Variants in TRABD2B observed in about 807,000 individuals in gnomAD.
The protein encoded by TRABD2B is metalloprotease TIKI2.
TRABD2B carries 14 observed loss-of-function variants against 40.1 expected under a neutral mutation model. The observed-to-expected ratio is 0.35, with a 90% CI of 0.23 to 0.55. The LOEUF (loss-of-function observed/expected upper bound fraction) is 0.55, where lower values mean the gene tolerates loss of function less well. TRABD2B is among the 20% of genes least tolerant of loss of function. The probability of loss-of-function intolerance (pLI) is 0.90; values close to 1 mark genes in which losing one functional copy is unlikely to be tolerated. For synonymous variants in TRABD2B, 263 were observed against 277.0 expected (o/e 0.95, Z 0.50); for missense variants, 541 against 648.6 (o/e 0.83, Z 1.80).
At chr1:47,824,573 C>G (rs1388899320) in intron 2 of TRABD2B, among the ~76,000 whole-genome samples, 1 of 152,230 alleles carries the variant, frequency 6.6e-6, no homozygotes, top group Non-Finnish European at 1.5e-5. Context: ...CCATGTCTGC[C>G]TGACTTCAAA....
At chr1:47,957,028 G>A (rs181622278) in intron 2 of TRABD2B, among the ~76,000 whole-genome samples, 205 of 152,272 alleles carry the variant, frequency 1.3e-3, no homozygotes, top group African/African-American at 4.4e-3. Context: ...AGGATCAGGC[G>A]GCAACATTTG....
chr1:47,987,422 T>C (rs1187283604), intron 2 of TRABD2B, among the ~76,000 whole-genome samples: 4 of 152,094 alleles, frequency 2.6e-5, no homozygotes, highest in African/African-American at 9.7e-5. Flanking sequence ...GCCTCAGAGT[T>C]TGGATTTATG....
chr1:47,789,671 C>G (rs1203335540), intron 4 of TRABD2B, among the ~76,000 whole-genome samples: 1 of 152,160 alleles, frequency 6.6e-6, no homozygotes, highest in Non-Finnish European at 1.5e-5. Context: ...TGATTAGAAG[C>G]CATCAGCTGA....
At chr1:47,949,409 T>TC (rs1211124691) in intron 2 of TRABD2B, among the ~76,000 whole-genome samples, 3 of 138,828 alleles carry the variant, frequency 2.2e-5, no homozygotes, top group Non-Finnish European at 4.7e-5. Context: ...TTCTTTTTTT[T>TC]TTTTTTTTTT....
chr1:47,976,690 CT>C (rs1645760444), intron 2 of TRABD2B, among the ~76,000 whole-genome samples: 1 of 152,136 alleles, frequency 6.6e-6, no homozygotes, highest in Non-Finnish European at 1.5e-5. Context: ...GGGAAAACAT[CT>C]TTGAGCACCT....
chr1:47,776,111 C>A (rs1412339985), intron 5 of TRABD2B, among the ~76,000 whole-genome samples: 1 of 152,040 alleles, frequency 6.6e-6, no homozygotes, highest in Non-Finnish European at 1.5e-5. Flanking sequence ...CGGCAAAGCA[C>A]CGAGAACAGT....
chr1:47,967,610 C>T (rs561291787), intron 2 of TRABD2B, among the ~76,000 whole-genome samples: 1 of 152,264 alleles, frequency 6.6e-6, no homozygotes, highest in Non-Finnish European at 1.5e-5. Flanking sequence ...AGGATGCTGG[C>T]TCCAGTAAGA....
chr1:47,994,682 A>C lies in TRABD2B; in HGVS notation c.103-85T>G. Reference sequence around the variant, plus strand: ...TAGCCCAGAGGCACGTTGCAGAGGGAGGTGGGGATGGGAGGCAGAGACCAT... The same window carrying C: ...TAGCCCAGAGGCACGTTGCAGAGGGCGGTGGGGATGGGAGGCAGAGACCAT... On this transcript the variant is annotated intron_variant, in intron 1 of 6. Transcript: ENST00000606738. The surrounding 1 kb of genome is among the most constrained non-coding windows in gnomAD (Gnocchi z 6.7). 1 of 1,263,442 alleles carries C rather than the reference A, an allele frequency of 7.9e-7. No individual in the cohort carries two copies. The highest frequency in any genetic ancestry group is 1.1e-6 in the Non-Finnish European group (1 of 926,440). The allele number at this position is 1,263,442 out of a possible 1,614,324, so 78.3% of individuals were successfully genotyped here.
rs183697664 is a variant in TRABD2B at position 47,968,810 on chromosome 1, T to C, written c.666+25224A>G. On this transcript the variant is annotated intron_variant, in intron 2 of 6. Coordinates refer to ENST00000606738, the MANE Select transcript of TRABD2B (RefSeq NM_001194986.2). ...CTTGTTATGTTTATTATTTGCTATC[T>C]ATCTGTCCTCACTAGAATGGAAGCT... 1.1e-3 allele frequency among the ~76,000 whole-genome samples: 165 copies of C among 152,350 alleles called. 2 individuals are homozygous for C. The highest frequency in any genetic ancestry group is 3.6e-3 in the African/African-American group (150 of 41,586).
At chr1:47,924,137 G>A (rs566743637) in intron 2 of TRABD2B, among the ~76,000 whole-genome samples, 25 of 152,132 alleles carry the variant, frequency 1.6e-4, no homozygotes, top group Admixed American at 1.3e-3. Context: ...ACTCTGCCAC[G>A]GAATACGTGG....
intron 2 of TRABD2B, among the ~76,000 whole-genome samples, chr1:47,808,867 T>C (rs577980894): frequency 6.6e-6 from 1 of 152,276 alleles, no homozygotes; most frequent in East Asian, 1.9e-4. Flanking sequence ...GGGCCAGTCT[T>C]TGAGGCCCAG....
At chr1:47,908,336 G>A (rs906034871) in intron 2 of TRABD2B, among the ~76,000 whole-genome samples, 3 of 152,094 alleles carry the variant, frequency 2.0e-5, no homozygotes, top group Admixed American at 6.5e-5. Flanking sequence ...TGCCTTTTAC[G>A]ATGATTACAT....
intron 2 of TRABD2B, among the ~76,000 whole-genome samples, chr1:47,858,101 G>A (rs1051172912): frequency 5.9e-5 from 9 of 151,844 alleles, no homozygotes; most frequent in South Asian, 2.1e-4. Context: ...TTTATCATAC[G>A]TACGCATTGG....
At chr1:47,821,265 G>A (rs375747491) in intron 2 of TRABD2B, among the ~76,000 whole-genome samples, 1 of 152,144 alleles carries the variant, frequency 6.6e-6, no homozygotes, top group Non-Finnish European at 1.5e-5. Flanking sequence ...CTTGAGAGGT[G>A]GACAGAGAAA....
rs778800207 is a variant in TRABD2B at position 47,824,021 on chromosome 1, C to T, written c.667-22402G>A. ...CCTGCTTGGGGGAATGGGTGTATCCCAAGCCTGGAGGCCTGATCGCTGTCA... is the reference window on the plus strand; with the variant it reads ...CCTGCTTGGGGGAATGGGTGTATCCTAAGCCTGGAGGCCTGATCGCTGTCA... On this transcript the variant is annotated intron_variant, in intron 2 of 6. Transcript: ENST00000606738. Among the ~76,000 whole-genome samples, 102 of 152,150 alleles carry T rather than the reference C, an allele frequency of 6.7e-4. 2 individuals are homozygous for T. Among genetic ancestry groups the T allele is most frequent in the Middle Eastern group, 6.3e-3 (2 of 316 alleles).
At chr1:47,842,967 TC>T in intron 2 of TRABD2B, among the ~76,000 whole-genome samples, 1 of 152,176 alleles carries the variant, frequency 6.6e-6, no homozygotes, top group East Asian at 1.9e-4. Context: ...AAGAGAGCTG[TC>T]CTGGGGAGAT....
chr1:47,994,368 T>C lies in TRABD2B; in HGVS notation c.332A>G (p.Asp111Gly), dbSNP rs1646058467. 6.5e-7 allele frequency: 1 copy of C among 1,536,036 alleles called. No individual in the cohort carries two copies. The highest frequency in any genetic ancestry group is 8.7e-7 in the Non-Finnish European group (1 of 1,146,926). ...CCAGTAAAGCTCGTGGGGCAGCACG[T>C]CCTGCAGGTTTTCCCCGTGCGGCAG... is the stretch of plus-strand genomic sequence containing the variant. ...QLLPHGENLQ[D>G]VLPHELYWRL... The change falls in exon 2 of 7, where the codon GAC becomes GGC. Residue 111 changes from aspartate to glycine, a missense_variant. Physicochemically the swap from Asp to Gly is moderately conservative, Grantham distance 94 (BLOSUM62 -1). Coordinates refer to ENST00000606738, the MANE Select transcript of TRABD2B (RefSeq NM_001194986.2). The surrounding 1 kb of genome is among the most constrained non-coding windows in gnomAD (Gnocchi z 6.7).
intron 3 of TRABD2B, 45 bp downstream of exon 3, chr1:47,801,428 A>G: frequency 6.6e-7 from 1 of 1,523,816 alleles, no homozygotes; most frequent in Non-Finnish European, 8.8e-7. Flanking sequence ...CGTCATAGGG[A>G]TCTAATAAAT....
intron 2 of TRABD2B, among the ~76,000 whole-genome samples, chr1:47,843,210 C>CG (rs1645423212): frequency 1.3e-5 from 2 of 152,034 alleles, no homozygotes; most frequent in African/African-American, 4.8e-5. Flanking sequence ...GGTTTTAAGC[C>CG]GGGGGCATAA....
Sources: allele counts gnomAD v4.1 joint callset (sites outside exome capture counted in the v4.1 genomes callset), GRCh38; gene constraint gnomAD v4.1.1; non-coding constraint Gnocchi (gnomAD v3.1); transcripts MANE v1.5; gene names NCBI Gene and HGNC (gene_info 2026-07-23, HGNC 2026-07-21).